The following KIAA1671 variants were observed in gnomAD, a reference collection of about 807,000 sequenced individuals.
KIAA1671 encodes KIAA1671.
A neutral mutation model predicts 131.2 loss-of-function variants in KIAA1671; 52 were observed. The observed-to-expected ratio is 0.40, with a 90% confidence interval of 0.32 to 0.50. KIAA1671 has a LOEUF of 0.50. Ranked by LOEUF, KIAA1671 falls within the 20% of genes least tolerant of loss-of-function variation. The pLI is 0.73. For missense variants in KIAA1671, 2,360 were observed against 2,364.2 expected, an observed-to-expected ratio of 1.00 and a Z score of 0.04; for synonymous variants, 1,003 against 961.6, an observed-to-expected ratio of 1.04 and a Z score of -0.80.
chr22:25,072,273 T>C (rs953596658), intron 6 of KIAA1671, among the ~76,000 whole-genome samples: 1 of 152,224 alleles, frequency 6.6e-6, no homozygotes, highest in Non-Finnish European at 1.5e-5. Flanking sequence ...GCTCCTCACC[T>C]GGCTGTGTCC....
At position 25,041,369 on chromosome 22, in the gene KIAA1671, G is replaced by T. The variant is rs1926913888; in HGVS notation, c.4239G>T (p.Gly1413=). 1.9e-6 allele frequency: 3 copies of T among 1,551,686 alleles called. No homozygotes were observed. The highest frequency in any genetic ancestry group is 2.6e-6 in the Non-Finnish European group (3 of 1,146,980). The change falls in exon 5 of 13, where the codon GGG becomes GGT. Residue 1413 remains glycine (G), a synonymous_variant. Transcript: ENST00000358431. ...TCAAGAGGGCCTACTCAGAGAAGGGGCCCCCTGCCAACATCCGAGAGGGCC... is the reference window on the plus strand; with the variant it reads ...TCAAGAGGGCCTACTCAGAGAAGGGTCCCCCTGCCAACATCCGAGAGGGCC... ...LDIKRAYSEK[G]PPANIREGLS... is the part of the protein sequence containing the mutation.
At chr22:25,053,465 T>A (rs1927655334) in intron 6 of KIAA1671, 1 of 152,260 alleles carries the variant, frequency 6.6e-6, no homozygotes, top group Non-Finnish European at 1.5e-5. Context: ...ATTCATCAGC[T>A]GGGAGGCTTC....
At chr22:24,985,865 C>T (rs947161341) in intron 1 of KIAA1671, among the ~76,000 whole-genome samples, 1 of 152,000 alleles carries the variant, frequency 6.6e-6, no homozygotes, top group Admixed American at 6.6e-5. Context: ...CTGGAATAGC[C>T]CCTTCCCATT....
At chr22:25,043,149 C>T in intron 5 of KIAA1671, among the ~76,000 whole-genome samples, 1 of 152,208 alleles carries the variant, frequency 6.6e-6, no homozygotes, top group East Asian at 1.9e-4. Context: ...ACTTTAATTA[C>T]AAGCACACCC....
chr22:25,154,654 C>T (rs1933166784), intron 6 of KIAA1671, among the ~76,000 whole-genome samples: 2 of 152,202 alleles, frequency 1.3e-5, no homozygotes, highest in Non-Finnish European at 2.9e-5. Flanking sequence ...GAATGTCAGC[C>T]CGACTGGTTT....
At position 25,040,309 on chromosome 22, in the gene KIAA1671, C is replaced by A; in HGVS notation, c.3179C>A (p.Pro1060Gln). 6.4e-7 allele frequency: 1 copy of A among 1,551,742 alleles called. No individual in the cohort carries two copies. Among genetic ancestry groups the A allele is most frequent in the Non-Finnish European group, 8.7e-7 (1 of 1,147,014 alleles). ...SLLEHSRKIT[P>Q]PSSPHSLTST... ...CTGGAACATTCTAGAAAAATCACTC[C>A]ACCCTCGTCTCCTCATTCTTTAACA... is the stretch of plus-strand genomic sequence containing the variant. Residue 1060 changes from proline to glutamine, a missense_variant, in exon 5 of 13, where the codon CCA becomes CAA. Coordinates refer to ENST00000358431, the MANE Select transcript of KIAA1671 (RefSeq NM_001145206.2).
Position 25,036,678 on chromosome 22 carries a change from G to C in KIAA1671, c.1630-2082G>C, listed in dbSNP as rs368104359. The stretch of plus-strand genomic sequence containing the variant: ...TCACACCTGTAATCCCAGCACTTCG[G>C]GAAGCCAAGGTGGGTGGTTCACCTG... On this transcript the variant is annotated intron_variant, in intron 4 of 12. Coordinates refer to ENST00000358431, the MANE Select transcript of KIAA1671 (RefSeq NM_001145206.2). Among the ~76,000 whole-genome samples, 1,433 of 152,158 alleles carry C rather than the reference G, an allele frequency of 9.4e-3. 16 individuals carry two copies. Among genetic ancestry groups the C allele is most frequent in the Non-Finnish European group, 0.014 (951 of 68,008 alleles).
At chr22:25,065,481 A>C (rs950313105) in intron 6 of KIAA1671, among the ~76,000 whole-genome samples, 2 of 152,104 alleles carry the variant, frequency 1.3e-5, no homozygotes, top group Non-Finnish European at 1.5e-5. Context: ...GCCTTGCTAC[A>C]TGCGAGTCTT....
chr22:25,125,657 C>T (rs9620486), intron 6 of KIAA1671, among the ~76,000 whole-genome samples: 11,221 of 152,250 alleles, frequency 0.074, 1,333 homozygotes, highest in African/African-American at 0.25. Context: ...CCGGCCTCTG[C>T]CCACTAGATG....
intron 6 of KIAA1671, among the ~76,000 whole-genome samples, chr22:25,090,298 C>T (rs932594177): frequency 5.3e-5 from 8 of 152,330 alleles, no homozygotes; most frequent in Admixed American, 1.3e-4. Flanking sequence ...TGCACGTGGC[C>T]GGTGTGGTGA....
At chr22:25,117,585 C>CCA (rs4049524) in intron 6 of KIAA1671, among the ~76,000 whole-genome samples, 17,318 of 123,642 alleles carry the variant, frequency 0.14, 1,289 homozygotes, top group East Asian at 0.17. Context: ...TCTCCCCCAA[C>CCA]CACACACACA....
intron 6 of KIAA1671, among the ~76,000 whole-genome samples, chr22:25,081,110 G>A (rs1211524667): frequency 6.6e-6 from 1 of 152,144 alleles, no homozygotes; most frequent in African/African-American, 2.4e-5. Context: ...TGGGAGGGCT[G>A]GACATGTGGG....
intron 6 of KIAA1671, chr22:25,050,447 T>C (rs974167987): frequency 6.6e-6 from 1 of 152,260 alleles, no homozygotes; most frequent in Non-Finnish European, 1.5e-5. Flanking sequence ...CTTTGGTTGC[T>C]CAGCTCCACA....
At chr22:25,129,270 G>C (rs968247495) in intron 6 of KIAA1671, among the ~76,000 whole-genome samples, 1 of 152,180 alleles carries the variant, frequency 6.6e-6, no homozygotes, top group Non-Finnish European at 1.5e-5. Flanking sequence ...TGTAATCCCA[G>C]CACTTTGGGA....
At chr22:25,033,574 G>GTTTTTTTTTTTTTTTTTTTTT (rs71191019) in intron 4 of KIAA1671, among the ~76,000 whole-genome samples, 4 of 58,420 alleles carry the variant, frequency 6.8e-5, no homozygotes, top group African/African-American at 7.2e-5. Context: ...GTTTGTTTTC[G>GTTTTTTTTTTTTTTTTTTTTT]TTTTTTTTTT....
chr22:24,964,172 T>C (rs970248956), intron 1 of KIAA1671, among the ~76,000 whole-genome samples: 4 of 151,034 alleles, frequency 2.6e-5, no homozygotes, highest in East Asian at 2.0e-4. Context: ...CTACTAAAAA[T>C]AGAAAAATTA....
At chr22:25,125,798 G>A (rs1932151696) in intron 6 of KIAA1671, among the ~76,000 whole-genome samples, 1 of 152,178 alleles carries the variant, frequency 6.6e-6, no homozygotes, top group African/African-American at 2.4e-5. Context: ...TGGGATGTGA[G>A]TTCACACCCC....
intron 10 of KIAA1671, 52 bp from the exon 11 acceptor site, chr22:25,184,924 GC>G: frequency 6.5e-7 from 1 of 1,547,252 alleles, no homozygotes; most frequent in Non-Finnish European, 8.7e-7. Flanking sequence ...ATGGGAGGGG[GC>G]CCTTCCCCAG....
At chr22:24,980,560 G>A (rs778099351) in intron 1 of KIAA1671, among the ~76,000 whole-genome samples, 3 of 150,704 alleles carry the variant, frequency 2.0e-5, no homozygotes, top group African/African-American at 4.9e-5. Context: ...ATGAGCCACC[G>A]CACCCAGCCC....
Sources: gnomAD v4.1 joint callset for allele counts (sites outside exome capture counted in the v4.1 genomes callset) on GRCh38, gnomAD v4.1.1 for gene constraint, MANE v1.5 for transcripts, NCBI Gene and HGNC (gene_info 2026-07-23, HGNC 2026-07-21) for gene names.